Variants in BACH2 observed in about 807,000 individuals in gnomAD.
BACH2 encodes the protein transcription regulator protein BACH2.
BACH2 carries 5 observed loss-of-function variants against 61.8 expected under a neutral mutation model. That is an observed-to-expected ratio of 0.08 (90% CI 0.04 to 0.17). The LOEUF (loss-of-function observed/expected upper bound fraction) is 0.17, where lower values mean the gene tolerates loss of function less well. Among genes scored for constraint, BACH2 ranks in the 10% least tolerant of loss-of-function variants. The pLI is 1.00. For synonymous variants in BACH2, 446 were observed against 440.1 expected (o/e 1.01, Z -0.17); for missense variants, 824 against 1,091.1 (o/e 0.76, Z 3.45).
chr6:89,945,368 A>G (rs78838809), intron 7 of BACH2, among the ~76,000 whole-genome samples: 18 of 152,368 alleles, frequency 1.2e-4, no homozygotes, highest in African/African-American at 4.3e-4. Context: ...AAGTACTAAT[A>G]CATGACAATA....
intron 5 of BACH2, among the ~76,000 whole-genome samples, chr6:90,066,987 T>C (rs1387842463): frequency 2.6e-5 from 4 of 152,232 alleles, no homozygotes; most frequent in African/African-American, 7.2e-5. Context: ...GTGACGTGCA[T>C]AGCACAGTCC....
rs993443890 is a variant in BACH2, at chr6:89,930,580, C to G, written c.*1828G>C. ...AGACCCGGACCCAAGGCCACTGGAG[C>G]GAGGGAGCTGATTCCTCCTCCTCTG... On this transcript the variant is annotated 3_prime_UTR_variant, in exon 9 of 9. Transcript: ENST00000257749. The G allele has an allele frequency of 1.3e-5, 2 of 152,796 alleles. No homozygotes were observed. The highest frequency in any genetic ancestry group is 2.9e-5 in the Non-Finnish European group (2 of 68,096). The allele number at this position is 152,796 out of a possible 1,614,324, so 9.5% of individuals were successfully genotyped here.
chr6:90,114,735 T>G (rs1327393607), intron 4 of BACH2, among the ~76,000 whole-genome samples: 1 of 152,174 alleles, frequency 6.6e-6, no homozygotes, highest in Non-Finnish European at 1.5e-5. Context: ...GATCTCTGTT[T>G]GCAAACAACA....
At position 90,146,262 on chromosome 6, in the gene BACH2, G is replaced by A. The variant is rs143150843; in HGVS notation, c.-161-57153C>T. On this transcript the variant is annotated intron_variant, in intron 4 of 8. Coordinates refer to ENST00000257749, the MANE Select transcript of BACH2 (RefSeq NM_021813.4). ...TCTATGACATAATGTACTGACCAAG[G>A]TCATGACTCTGATTCCTATGGCTTG... Among the ~76,000 whole-genome samples, 690 of 152,286 alleles carry A rather than the reference G, an allele frequency of 4.5e-3. 6 individuals are homozygous for A. The highest frequency in any genetic ancestry group is 7.5e-3 in the Non-Finnish European group (513 of 68,026).
chr6:89,975,389 T>C (rs1775596680), intron 6 of BACH2, among the ~76,000 whole-genome samples: 1 of 152,226 alleles, frequency 6.6e-6, no homozygotes, highest in Admixed American at 6.5e-5. Context: ...ATTTCATTTT[T>C]TTCTTTGTCT....
rs1208168856 is a variant in BACH2, at chr6:89,950,704, C to A, written c.1402G>T (p.Val468Leu). ...CTGGGGAGGGACTGGCCGGCTCCCA[C>A]CCACAGACCCTTTGGCACCGGCTCA... Reference protein sequence around the residue: ...LSEPVPKGLWVGAGQSLPSSQ... With the variant: ...LSEPVPKGLWLGAGQSLPSSQ... The change falls in exon 7 of 9, where the codon GTG becomes TTG. Residue 468 changes from valine to leucine, a missense_variant. By Grantham distance (32) the Val-to-Leu change is conservative. Transcript: ENST00000257749. The surrounding 1 kb of genome is among the most constrained non-coding windows in gnomAD (Gnocchi z 5.3). 2 of 1,614,050 alleles carry A rather than the reference C, an allele frequency of 1.2e-6. No individual in the cohort carries two copies. Among genetic ancestry groups the A allele is most frequent in the Non-Finnish European group, 1.7e-6 (2 of 1,180,036 alleles).
chr6:90,279,603 C>A (rs961926825), intron 1 of BACH2, among the ~76,000 whole-genome samples: 1 of 151,460 alleles, frequency 6.6e-6, no homozygotes, highest in Admixed American at 6.6e-5. Flanking sequence ...AGATGACATA[C>A]GTACAGCAAA....
chr6:90,223,369 G>T (rs769914952), intron 3 of BACH2, among the ~76,000 whole-genome samples: 1 of 152,128 alleles, frequency 6.6e-6, no homozygotes, highest in Non-Finnish European at 1.5e-5. Context: ...ATGCAAAGAG[G>T]CCTACAAAAT....
intron 4 of BACH2, among the ~76,000 whole-genome samples, chr6:90,130,859 C>T (rs868032017): frequency 9.2e-5 from 14 of 152,174 alleles, no homozygotes. Context: ...TTAAGACCTG[C>T]GGTTAATCTG....
At chr6:90,186,766 T>C (rs769753096) in intron 4 of BACH2, among the ~76,000 whole-genome samples, 1 of 152,182 alleles carries the variant, frequency 6.6e-6, no homozygotes, top group Non-Finnish European at 1.5e-5. Flanking sequence ...TGTAACATAA[T>C]ACTCAAAAGA....
intron 5 of BACH2, among the ~76,000 whole-genome samples, chr6:90,085,387 A>AGCTCTGGGACTCTCTCTGT (rs1781890977): frequency 6.6e-6 from 1 of 152,158 alleles, no homozygotes; most frequent in South Asian, 2.1e-4. Context: ...TGAGGCACAC[A>AGCTCTGGGACTCTCTCTGT]GCTCTGGGAC....
intron 2 of BACH2, among the ~76,000 whole-genome samples, chr6:90,255,852 G>C (rs138993767): frequency 6.6e-6 from 1 of 152,150 alleles, no homozygotes. Flanking sequence ...AAGCAGGAAC[G>C]AAGGGGCCAG....
At chr6:89,938,573 C>CT (rs1315381801) in intron 7 of BACH2, among the ~76,000 whole-genome samples, 8 of 152,146 alleles carry the variant, frequency 5.3e-5, no homozygotes, top group African/African-American at 1.9e-4. Context: ...GTTATTGTCT[C>CT]TGAGATTTTT....
At chr6:90,275,913 G>A (rs1291079818) in intron 1 of BACH2, among the ~76,000 whole-genome samples, 1 of 148,830 alleles carries the variant, frequency 6.7e-6, no homozygotes. Flanking sequence ...AGGCTGCAGT[G>A]AGCCGAGATC....
chr6:90,031,188 T>C (rs1202385353), intron 5 of BACH2, among the ~76,000 whole-genome samples: 2 of 152,092 alleles, frequency 1.3e-5, no homozygotes, highest in African/African-American at 4.8e-5. Context: ...AAATTAGGTA[T>C]TGATGGGACA....
chr6:90,142,856 TA>T (rs937811238), intron 4 of BACH2, among the ~76,000 whole-genome samples: 4 of 151,652 alleles, frequency 2.6e-5, no homozygotes, highest in Admixed American at 6.6e-5. Flanking sequence ...TTAAGAATAA[TA>T]AAAAAAAGGA....
At chr6:90,291,952 C>T (rs1211163330) in intron 1 of BACH2, among the ~76,000 whole-genome samples, 1 of 152,196 alleles carries the variant, frequency 6.6e-6, no homozygotes, top group African/African-American at 2.4e-5. Context: ...ACTTCTTCAA[C>T]ATCCAGACAG....
intron 6 of BACH2, among the ~76,000 whole-genome samples, chr6:89,998,941 T>G (rs1046376452): frequency 2.0e-5 from 3 of 152,212 alleles, no homozygotes; most frequent in Non-Finnish European, 2.9e-5. Flanking sequence ...AATTTTTGAA[T>G]GGAATGCGAA....
chr6:90,225,364 A>G (rs1769878438), intron 3 of BACH2, among the ~76,000 whole-genome samples: 1 of 152,124 alleles, frequency 6.6e-6, no homozygotes, highest in Non-Finnish European at 1.5e-5. Flanking sequence ...TCCAGTCTGG[A>G]TAATTGGAGT....
Sources: allele counts gnomAD v4.1 joint callset (sites outside exome capture counted in the v4.1 genomes callset), GRCh38; gene constraint gnomAD v4.1.1; non-coding constraint Gnocchi (gnomAD v3.1); transcripts MANE v1.5; gene names NCBI Gene and HGNC (gene_info 2026-07-23, HGNC 2026-07-21).